BTBD10: variants seen among roughly 807,000 people sequenced by gnomAD.
The protein encoded by BTBD10 is BTB/POZ domain-containing protein 10.
Under a neutral mutation model 53.2 loss-of-function variants are expected in BTBD10, and 21 were observed. The observed-to-expected ratio is 0.39, with a 90% CI of 0.28 to 0.57. The LOEUF is 0.57. Among genes scored for constraint, BTBD10 ranks in the 20% least tolerant of loss-of-function variants. The probability of loss-of-function intolerance (pLI) is 0.53; values close to 1 mark genes in which losing one functional copy is unlikely to be tolerated. For synonymous variants in BTBD10, 149 were observed against 192.7 expected (o/e 0.77, Z 1.88); for missense variants, 360 against 594.7 (o/e 0.61, Z 4.10).
chr11:13,458,415 T>C (rs1425163545), intron 1 of BTBD10, among the ~76,000 whole-genome samples: 2 of 152,188 alleles, frequency 1.3e-5, no homozygotes, highest in Non-Finnish European at 2.9e-5. Context: ...TCTATTGTTT[T>C]CTTCATACAG....
chr11:13,454,150 A>C (rs1950918721), intron 1 of BTBD10, among the ~76,000 whole-genome samples: 1 of 152,246 alleles, frequency 6.6e-6, no homozygotes, highest in South Asian at 2.1e-4. Context: ...AAGATTTATA[A>C]GCAGTCTTTA....
At chr11:13,450,303 G>C (rs1950833849) in intron 1 of BTBD10, among the ~76,000 whole-genome samples, 1 of 152,068 alleles carries the variant, frequency 6.6e-6, no homozygotes, top group South Asian at 2.1e-4. Flanking sequence ...GGAGGAGAGA[G>C]AGCCCCAAAG....
In BTBD10 at chr11:13,388,936, T is replaced by G. The variant is rs771896297; in HGVS notation, c.1323A>C (p.Val441=). 6.2e-7 allele frequency: 1 copy of G among 1,614,226 alleles called. No homozygotes were observed. The highest frequency in any genetic ancestry group is 1.1e-5 in the South Asian group (1 of 91,090). The part of the protein sequence containing the change: ...AAADIPQDQL[V]VMHPTPQVDE... Reference sequence around the variant, plus strand: ...CCACTTGTGGAGTTGGATGCATGACTACCAGCTGGTCCTGGGGAATGTCTG... The same window carrying G: ...CCACTTGTGGAGTTGGATGCATGACGACCAGCTGGTCCTGGGGAATGTCTG... The change falls in exon 9 of 9, where the codon GTA becomes GTC. Residue 441 remains valine, a synonymous_variant. Transcript: ENST00000278174.
At position 13,439,990 on chromosome 11, in the gene BTBD10, G is replaced by A. The variant is rs1301369542; in HGVS notation, c.101+5034C>T. 2.0e-6 allele frequency: 3 copies of A among 1,534,842 alleles called. No homozygotes were observed. In the African/African-American group the frequency reaches 4.1e-5, roughly 21 times the overall value. On this transcript the variant is annotated intron_variant, in intron 2 of 8. Transcript: ENST00000278174. Reference sequence around the variant, plus strand: ...TCAAACAATGAAGCACTGAAAGCCAGGTCAGCATCCTTGGGCATTACTAGG... The same window carrying A: ...TCAAACAATGAAGCACTGAAAGCCAAGTCAGCATCCTTGGGCATTACTAGG...
intron 1 of BTBD10, among the ~76,000 whole-genome samples, chr11:13,454,508 T>G (rs1403536836): frequency 6.6e-6 from 1 of 152,148 alleles, no homozygotes; most frequent in Non-Finnish European, 1.5e-5. Flanking sequence ...AGAACTTTAT[T>G]CAGGATATTT....
At chr11:13,410,259 G>C (rs2044556) in intron 6 of BTBD10, among the ~76,000 whole-genome samples, 1 of 152,190 alleles carries the variant, frequency 6.6e-6, no homozygotes, top group African/African-American at 2.4e-5. Context: ...GCACCACTTA[G>C]AATAAGTGCA....
chr11:13,429,193 C>A (rs951492827), intron 2 of BTBD10, among the ~76,000 whole-genome samples: 2 of 152,076 alleles, frequency 1.3e-5, no homozygotes, highest in African/African-American at 4.8e-5. Flanking sequence ...GAGAAACCTA[C>A]CGTCTTTACA....
At chr11:13,398,795 C>A (rs954277186) in intron 8 of BTBD10, among the ~76,000 whole-genome samples, 1 of 152,104 alleles carries the variant, frequency 6.6e-6, no homozygotes, top group Non-Finnish European at 1.5e-5. Context: ...TTCTCCTTCA[C>A]TTATGAAGCT....
At chr11:13,432,140 A>ATAT (rs1368035421) in intron 2 of BTBD10, among the ~76,000 whole-genome samples, 1 of 152,158 alleles carries the variant, frequency 6.6e-6, no homozygotes, top group Non-Finnish European at 1.5e-5. Flanking sequence ...CCACTTATAT[A>ATAT]ATGTTCTCAA....
At chr11:13,398,455 C>T (rs1314529236) in intron 8 of BTBD10, among the ~76,000 whole-genome samples, 1 of 151,606 alleles carries the variant, frequency 6.6e-6, no homozygotes, top group Non-Finnish European at 1.5e-5. Flanking sequence ...TGAGATGGGT[C>T]TCCTGAATAC....
rs1949326778 is a variant in BTBD10 at position 13,388,806 on chromosome 11, G to C, written c.*25C>G. On this transcript the variant is annotated 3_prime_UTR_variant, in exon 9 of 9. Coordinates refer to ENST00000278174, the MANE Select transcript of BTBD10 (RefSeq NM_032320.7). Reference sequence around the variant, plus strand: ...ACAACGTCACTGTGAAGAGTAGCATGCTATGGTTTCAAGGAAGATCAGCAT... The same window carrying C: ...ACAACGTCACTGTGAAGAGTAGCATCCTATGGTTTCAAGGAAGATCAGCAT... The C allele has an allele frequency of 6.3e-7, 1 of 1,593,402 alleles. No individual in the cohort carries two copies. Among genetic ancestry groups the C allele is most frequent in the South Asian group, 1.1e-5 (1 of 87,862 alleles).
chr11:13,402,379 C>A (rs1041996051), intron 8 of BTBD10, among the ~76,000 whole-genome samples: 1 of 152,110 alleles, frequency 6.6e-6, no homozygotes, highest in Admixed American at 6.6e-5. Flanking sequence ...TTCATTCTAT[C>A]CTTACAAAAA....
At chr11:13,415,074 G>T (rs1380280293) in intron 5 of BTBD10, among the ~76,000 whole-genome samples, 2 of 148,454 alleles carry the variant, frequency 1.3e-5, no homozygotes, top group Non-Finnish European at 3.0e-5. Context: ...TTTTCAGGCT[G>T]TGGCACAAAC....
intron 2 of BTBD10, among the ~76,000 whole-genome samples, chr11:13,425,905 C>T (rs1245180866): frequency 6.6e-6 from 1 of 151,666 alleles, no homozygotes; most frequent in Non-Finnish European, 1.5e-5. Flanking sequence ...GAAAAGCACA[C>T]CGAATGGAAT....
intron 2 of BTBD10, among the ~76,000 whole-genome samples, chr11:13,435,517 T>TAG (rs142648681): frequency 0.16 from 23,915 of 152,046 alleles, 2,077 homozygotes; most frequent in Admixed American, 0.24. Flanking sequence ...CAGATTTTGA[T>TAG]AGTCTCGCTC....
chr11:13,434,951 T>C (rs572641427), intron 2 of BTBD10, among the ~76,000 whole-genome samples: 2 of 152,322 alleles, frequency 1.3e-5, no homozygotes, highest in Non-Finnish European at 2.9e-5. Flanking sequence ...GGAAGTTCCA[T>C]TTACTGAATG....
chr11:13,391,086 C>G (rs920520721), intron 8 of BTBD10, among the ~76,000 whole-genome samples: 1 of 152,168 alleles, frequency 6.6e-6, no homozygotes, highest in Non-Finnish European at 1.5e-5. Flanking sequence ...AATCATATTA[C>G]AATCCTTGCT....
intron 1 of BTBD10, among the ~76,000 whole-genome samples, chr11:13,461,639 A>T (rs1216143358): frequency 6.6e-6 from 1 of 152,212 alleles, no homozygotes; most frequent in Non-Finnish European, 1.5e-5. Context: ...GAAAGAAGAA[A>T]ATTCAGACTG....
At chr11:13,446,117 T>C (rs967808411) in intron 1 of BTBD10, among the ~76,000 whole-genome samples, 6 of 152,244 alleles carry the variant, frequency 3.9e-5, no homozygotes, top group African/African-American at 1.2e-4. Context: ...CTTTCAGAAA[T>C]TGCAGACACC....
Sources: allele counts gnomAD v4.1 joint callset (sites outside exome capture counted in the v4.1 genomes callset), GRCh38; gene constraint gnomAD v4.1.1; transcripts MANE v1.5; gene names NCBI Gene and HGNC (gene_info 2026-07-23, HGNC 2026-07-21).